Variants in MROH2B observed in about 807,000 individuals in gnomAD.
MROH2B encodes the protein maestro heat like repeat family member 2B, also known as maestro heat-like repeat-containing protein family member 2B.
Under a neutral mutation model 208.6 loss-of-function variants are expected in MROH2B, and 177 were observed. That is an observed-to-expected ratio of 0.85 (90% CI 0.75 to 0.96). MROH2B has a LOEUF of 0.96. Ranked by LOEUF, MROH2B falls within the 40% of genes least tolerant of loss-of-function variation. The pLI is 0.00. For missense variants in MROH2B, 2,002 were observed against 1,878.7 expected, an observed-to-expected ratio of 1.07 and a Z score of -1.21; for synonymous variants, 728 against 659.0, an observed-to-expected ratio of 1.10 and a Z score of -1.60.
At chr5:41,018,478 A>C (rs528188543) in intron 26 of MROH2B, 48 bp from the exon 27 acceptor site, 7 of 1,565,678 alleles carry the variant, frequency 4.5e-6, no homozygotes, top group Non-Finnish European at 6.1e-6. Flanking sequence ...CTTCATATTC[A>C]TCTAGTTTCA....
chr5:41,067,050 C>A, intron 3 of MROH2B, 58 bp downstream of exon 3: 1 of 919,706 alleles, frequency 1.1e-6, no homozygotes, highest in Middle Eastern at 2.1e-4. Flanking sequence ...TACTGATGTC[C>A]ACATGGGTGC....
chr5:41,040,202 C>A (rs977444757), intron 19 of MROH2B, among the ~76,000 whole-genome samples: 1 of 152,000 alleles, frequency 6.6e-6, no homozygotes, highest in African/African-American at 2.4e-5. Context: ...TCATTCTGTT[C>A]CTGAAACTTT....
At position 41,045,751 on chromosome 5, in the gene MROH2B, C is replaced by T; in HGVS notation, c.1831G>A (p.Glu611Lys). 1 of 1,613,084 alleles carries T rather than the reference C, an allele frequency of 6.2e-7. No homozygotes were observed. Among genetic ancestry groups the T allele is most frequent in the Non-Finnish European group, 8.5e-7 (1 of 1,179,262 alleles). ...CCCTCAGCTGAAAAACCAACCTTCTCAGTGGAGTTATTGCTGTAACTGCCC... is the reference window on the plus strand; with the variant it reads ...CCCTCAGCTGAAAAACCAACCTTCTTAGTGGAGTTATTGCTGTAACTGCCC... The part of the protein sequence containing the change: ...QMGSYSNNST[E>K]KKFLWKALGT... The change falls in exon 18 of 42, where the codon GAG becomes AAG. Residue 611 changes from glutamate to lysine, a missense_variant. Physicochemically the swap from Glu to Lys is moderately conservative, Grantham distance 56. Coordinates refer to ENST00000399564, the MANE Select transcript of MROH2B (RefSeq NM_173489.5).
intron 37 of MROH2B, among the ~76,000 whole-genome samples, chr5:41,002,936 T>C (rs916091966): frequency 6.6e-6 from 1 of 151,828 alleles, no homozygotes; most frequent in African/African-American, 2.4e-5. Flanking sequence ...GTAAGCATTT[T>C]TGAGGACAAG....
At chr5:41,018,540 A>T in intron 26 of MROH2B, 110 bp from the exon 27 acceptor site, 1 of 1,444,558 alleles carries the variant, frequency 6.9e-7, no homozygotes, top group Non-Finnish European at 9.4e-7. Context: ...TCACCTCCCC[A>T]CAAACAATTT....
At chr5:41,029,034 C>G (rs950353995) in intron 24 of MROH2B, among the ~76,000 whole-genome samples, 2 of 152,032 alleles carry the variant, frequency 1.3e-5, no homozygotes, top group African/African-American at 2.4e-5. Flanking sequence ...TTTTTAATTT[C>G]TTTTGGACCC....
At chr5:41,054,951 T>C in intron 10 of MROH2B, 111 bp from the exon 11 acceptor site, 1 of 669,352 alleles carries the variant, frequency 1.5e-6, no homozygotes, top group Non-Finnish European at 2.4e-6. Context: ...AATCTCTTGT[T>C]TTTAACAACC....
chr5:41,038,743 C>A lies in MROH2B; in HGVS notation c.2207G>T (p.Cys736Phe), dbSNP rs745711330. ...CCATGCAACGGGCATTACCTGAGAG[C>A]ACTGGCCATGAAGAGACAGGACTTG... ...ISQVLSLHGQ[C>F]SQVLGMSVMN... Residue 736 changes from cysteine to phenylalanine, a missense_variant, in exon 21 of 42, where the codon TGC becomes TTC. Physicochemically the swap from Cys to Phe is radical, Grantham distance 205. Transcript: ENST00000399564. 1.2e-6 allele frequency: 2 copies of A among 1,610,378 alleles called. No homozygotes were observed. The highest frequency in any genetic ancestry group is 1.7e-6 in the Non-Finnish European group (2 of 1,178,424).
At chr5:41,026,199 G>A (rs1443810525) in intron 24 of MROH2B, among the ~76,000 whole-genome samples, 3 of 152,178 alleles carry the variant, frequency 2.0e-5, no homozygotes, top group Non-Finnish European at 4.4e-5. Flanking sequence ...AATCAGGCAG[G>A]AGAAAGAAAT....
At chr5:41,050,235 G>C (rs1743245938) in intron 13 of MROH2B, among the ~76,000 whole-genome samples, 1 of 152,048 alleles carries the variant, frequency 6.6e-6, no homozygotes, top group Non-Finnish European at 1.5e-5. Context: ...AATTTTCATT[G>C]GTTTATCAAC....
intron 2 of MROH2B, among the ~76,000 whole-genome samples, chr5:41,067,757 A>G (rs541709020): frequency 6.6e-6 from 1 of 152,312 alleles, no homozygotes; most frequent in South Asian, 2.1e-4. Context: ...TAACTTGGCT[A>G]TATTTCTATG....
At chr5:41,029,258 T>C (rs1742483763) in intron 24 of MROH2B, among the ~76,000 whole-genome samples, 1 of 152,200 alleles carries the variant, frequency 6.6e-6, no homozygotes, top group Non-Finnish European at 1.5e-5. Context: ...CTTTTAGCCA[T>C]TTGCATATCT....
At chr5:41,009,678 A>C (rs902873177) in intron 31 of MROH2B, among the ~76,000 whole-genome samples, 2 of 152,204 alleles carry the variant, frequency 1.3e-5, no homozygotes, top group African/African-American at 4.8e-5. Context: ...TTCACTTTTT[A>C]ATATTCTCTT....
intron 24 of MROH2B, among the ~76,000 whole-genome samples, chr5:41,031,377 C>A (rs1742563892): frequency 6.6e-6 from 1 of 152,050 alleles, no homozygotes; most frequent in East Asian, 1.9e-4. Flanking sequence ...TCACCCCACG[C>A]CTTTGACACG....
At chr5:41,052,365 T>G in intron 12 of MROH2B, 100 bp downstream of exon 12, 4 of 1,176,568 alleles carry the variant, frequency 3.4e-6, no homozygotes, top group Non-Finnish European at 4.5e-6. Flanking sequence ...ACTCTACTCC[T>G]GTGACAGATT....
chr5:41,018,255 C>A, intron 27 of MROH2B, 86 bp downstream of exon 27: 2 of 1,334,128 alleles, frequency 1.5e-6, no homozygotes, highest in Non-Finnish European at 2.1e-6. Flanking sequence ...CACGATCCAT[C>A]ATGCAGGAGT....
At chr5:41,000,461 A>G in intron 38 of MROH2B, 110 bp from the exon 39 acceptor site, 1 of 1,444,356 alleles carries the variant, frequency 6.9e-7, no homozygotes. Flanking sequence ...CAGTGGTGTG[A>G]ATGGCTTTAT....
rs185215149 is a variant in MROH2B at position 41,068,325 on chromosome 5, G to T, written c.91-1107C>A. 2.6e-3 allele frequency among the ~76,000 whole-genome samples: 403 copies of T among 152,226 alleles called. 7 individuals are homozygous for T. Among genetic ancestry groups the T allele is most frequent in the Admixed American group, 0.025 (379 of 15,290 alleles). On this transcript the variant is annotated intron_variant, in intron 2 of 41. Transcript: ENST00000399564. ...TGTGAGTCCTTTTCTTGCTCCATGT[G>T]CTTACTATCCTGTCTGCAGGCCTTG...
intron 33 of MROH2B, 51 bp downstream of exon 33, chr5:41,008,555 G>C: frequency 6.9e-6 from 11 of 1,591,752 alleles, no homozygotes; most frequent in Non-Finnish European, 9.4e-6. Context: ...ACCACTCCTG[G>C]AGTCTGGGAT....
Sources: gnomAD v4.1 joint callset for allele counts (sites outside exome capture counted in the v4.1 genomes callset) on GRCh38, gnomAD v4.1.1 for gene constraint, MANE v1.5 for transcripts, NCBI Gene and HGNC (gene_info 2026-07-23, HGNC 2026-07-21) for gene names.